The following CDC42SE2 variants were observed in gnomAD, a reference collection of about 807,000 sequenced individuals.
CDC42SE2 encodes the protein CDC42 small effector 2, also known as CDC42 small effector protein 2.
In CDC42SE2, 3 loss-of-function variants were observed where a neutral mutation model predicts 11.5. That is an observed-to-expected ratio of 0.26 (90% CI 0.12 to 0.67). The LOEUF (loss-of-function observed/expected upper bound fraction) is 0.67, where lower values mean the gene tolerates loss of function less well. Among genes scored for constraint, CDC42SE2 ranks in the 30% least tolerant of loss-of-function variants. The pLI, the probability that CDC42SE2 is intolerant of heterozygous loss-of-function variation, is 0.80. For missense variants in CDC42SE2, 82 were observed against 106.8 expected, an observed-to-expected ratio of 0.77 and a Z score of 1.02; for synonymous variants, 33 against 34.8, an observed-to-expected ratio of 0.95 and a Z score of 0.18.
intron 3 of CDC42SE2, among the ~76,000 whole-genome samples, chr5:131,365,526 T>C (rs1580781173): frequency 6.6e-6 from 1 of 152,236 alleles, no homozygotes; most frequent in Admixed American, 6.5e-5. Flanking sequence ...CCACATTTTA[T>C]ACCCTAAATT....
chr5:131,279,457 C>T (rs912344796), intron 1 of CDC42SE2, among the ~76,000 whole-genome samples: 1 of 141,386 alleles, frequency 7.1e-6, no homozygotes, highest in Admixed American at 7.2e-5. Context: ...GCCCTCCCCC[C>T]CCCCCTTTCA....
At chr5:131,264,756 A>G (rs2149688363) in intron 1 of CDC42SE2, among the ~76,000 whole-genome samples, 1 of 152,230 alleles carries the variant, frequency 6.6e-6, no homozygotes, top group East Asian at 1.9e-4. Flanking sequence ...CAGTGCTTGC[A>G]GCTTTAAGTT....
chr5:131,241,973 G>C (rs1439928365), upstream of CDC42SE2, among the ~76,000 whole-genome samples: 1 of 151,898 alleles, frequency 6.6e-6, no homozygotes, highest in African/African-American at 2.4e-5. Flanking sequence ...TCACTATCTT[G>C]CCACTTGACA....
chr5:131,268,054 CTTTTTTT>C (rs148354795), intron 1 of CDC42SE2, among the ~76,000 whole-genome samples: 16 of 65,472 alleles, frequency 2.4e-4, no homozygotes, highest in East Asian at 1.8e-3. Context: ...CATGCTTATT[CTTTTTTT>C]TTTTTTTTTT....
rs369050625 is a variant in CDC42SE2, at chr5:131,310,377, C to A, written c.-454-5599C>A. Among the ~76,000 whole-genome samples the A allele has an allele frequency of 7.0e-3, 1,032 of 146,530 alleles. 8 individuals are homozygous for A. Among genetic ancestry groups the A allele is most frequent in the Non-Finnish European group, 9.8e-3 (637 of 64,810 alleles). ...GAGCTTTACTTCCTAGTATGTGGTC[C>A]ATTTTGGAATAGGTGTGGTGTGGTG... is the stretch of plus-strand genomic sequence containing the variant. On this transcript the variant is annotated intron_variant, in intron 1 of 4. Transcript: ENST00000505065.
At chr5:131,222,339 G>A in the CDC42SE2 span, among the ~76,000 whole-genome samples, 1 of 152,150 alleles carries the variant, frequency 6.6e-6, no homozygotes, top group Non-Finnish European at 1.5e-5. Flanking sequence ...ATAGGCTTTT[G>A]CTACAAGACT....
intron 2 of CDC42SE2, among the ~76,000 whole-genome samples, chr5:131,317,289 C>G (rs889956860): frequency 6.6e-6 from 1 of 152,112 alleles, no homozygotes; most frequent in African/African-American, 2.4e-5. Flanking sequence ...CAGGTTCTCT[C>G]CTTTATGTTT....
intron 1 of CDC42SE2, among the ~76,000 whole-genome samples, chr5:131,303,619 G>A (rs1031158908): frequency 6.6e-6 from 1 of 152,144 alleles, no homozygotes; most frequent in African/African-American, 2.4e-5. Context: ...CTATCAGTAG[G>A]ACTTTTGAAT....
chr5:131,210,227 A>G, the CDC42SE2 span, among the ~76,000 whole-genome samples: 1 of 152,216 alleles, frequency 6.6e-6, no homozygotes, highest in Non-Finnish European at 1.5e-5. Context: ...TTATAGCAAC[A>G]CAAACAGACT....
intron 3 of CDC42SE2, among the ~76,000 whole-genome samples, chr5:131,360,498 T>A (rs1018877529): frequency 1.3e-5 from 2 of 152,218 alleles, no homozygotes; most frequent in African/African-American, 4.8e-5. Context: ...AATGAGATAA[T>A]ACTCATCTGT....
chr5:131,252,591 G>T (rs758185767), intron 1 of CDC42SE2, among the ~76,000 whole-genome samples: 8 of 152,204 alleles, frequency 5.3e-5, no homozygotes, highest in East Asian at 1.9e-4. Context: ...GGGAGGTGGA[G>T]GTTGCAGTGA....
In CDC42SE2 at chr5:131,393,407, C is replaced by G. The variant is rs1750725925; in HGVS notation, c.*2316C>G. On this transcript the variant is annotated 3_prime_UTR_variant, in exon 5 of 5. Transcript: ENST00000505065. ...GCAGTTTTGAGCCTTTGTGTCAATC[C>G]CAAGCACAGAGAGGATCTGCCAAGG... The G allele has an allele frequency of 6.6e-6, 1 of 152,306 alleles. No individual in the cohort carries two copies. The highest frequency in any genetic ancestry group is 2.1e-4 in the South Asian group (1 of 4,830). The allele number at this position is 152,306 out of a possible 1,614,324, so 9.4% of individuals were successfully genotyped here. A position where few individuals can be genotyped will look rare whatever the true frequency, so the allele number is the denominator to read the frequency against.
At chr5:131,292,239 C>T in intron 1 of CDC42SE2, among the ~76,000 whole-genome samples, 1 of 64,878 alleles carries the variant, frequency 1.5e-5, no homozygotes, top group Non-Finnish European at 2.5e-5. Flanking sequence ...CTCTGTCTCA[C>T]CAAAAAAAAA....
intron 1 of CDC42SE2, among the ~76,000 whole-genome samples, chr5:131,274,014 C>T (rs1326633456): frequency 1.3e-5 from 2 of 152,104 alleles, no homozygotes; most frequent in African/African-American, 4.8e-5. Flanking sequence ...AAGTGATCTG[C>T]CTGCCTGGGC....
the CDC42SE2 span, among the ~76,000 whole-genome samples, chr5:131,229,814 G>C: frequency 6.6e-6 from 1 of 152,136 alleles, no homozygotes; most frequent in Non-Finnish European, 1.5e-5. Flanking sequence ...CGAGCCTGTA[G>C]TCCCAGCTAC....
chr5:131,364,133 C>T (rs1347561912), intron 3 of CDC42SE2, among the ~76,000 whole-genome samples: 8 of 152,166 alleles, frequency 5.3e-5, no homozygotes, highest in African/African-American at 9.7e-5. Context: ...CATCTTGTCT[C>T]ACTTTAGTGG....
intron 1 of CDC42SE2, among the ~76,000 whole-genome samples, chr5:131,303,559 A>G (rs1201058816): frequency 6.6e-6 from 1 of 152,212 alleles, no homozygotes; most frequent in Admixed American, 6.5e-5. Context: ...TTAACTTATA[A>G]GAAGATCTGA....
intron 3 of CDC42SE2, among the ~76,000 whole-genome samples, chr5:131,381,219 G>A (rs1750311202): frequency 6.6e-6 from 1 of 152,126 alleles, no homozygotes; most frequent in African/African-American, 2.4e-5. Context: ...AGAACCCAGT[G>A]AATTGCACAC....
intron 4 of CDC42SE2, among the ~76,000 whole-genome samples, chr5:131,389,096 A>T (rs772970115): frequency 3.3e-5 from 5 of 152,152 alleles, no homozygotes. Flanking sequence ...TCGAACTCCC[A>T]TAGTGTTGGG....
Sources: gnomAD v4.1 joint callset for allele counts (sites outside exome capture counted in the v4.1 genomes callset) on GRCh38, gnomAD v4.1.1 for gene constraint, MANE v1.5 for transcripts, NCBI Gene and HGNC (gene_info 2026-07-23, HGNC 2026-07-21) for gene names.